Variants in PIGN observed in about 807,000 individuals in gnomAD.
PIGN encodes the protein GPI ethanolamine phosphate transferase 1.
A neutral mutation model predicts 125.4 loss-of-function variants in PIGN; 117 were observed. That is an observed-to-expected ratio of 0.93 (90% confidence interval 0.80 to 1.09). The LOEUF is 1.09. PIGN is among the 50% of genes least tolerant of loss of function. PIGN has a pLI of 0.00. For synonymous variants in PIGN, 392 were observed against 377.8 expected, an observed-to-expected ratio of 1.04 and a Z score of -0.44; for missense variants, 1,075 against 1,094.9, an observed-to-expected ratio of 0.98 and a Z score of 0.26.
chr18:62,036,725 A>G (rs1339877380), downstream of PIGN, among the ~76,000 whole-genome samples: 1 of 152,128 alleles, frequency 6.6e-6, no homozygotes, highest in African/African-American at 2.4e-5. Flanking sequence ...GGAGGAGCAT[A>G]TTACTGCCAT....
downstream of PIGN, among the ~76,000 whole-genome samples, chr18:62,036,994 C>A (rs2030270082): frequency 6.6e-6 from 1 of 152,094 alleles, no homozygotes; most frequent in South Asian, 2.1e-4. Flanking sequence ...ACTTTGTATC[C>A]CCACTCTGCT....
intron 27 of PIGN, among the ~76,000 whole-genome samples, chr18:62,082,970 A>G (rs1039822165): frequency 6.6e-6 from 1 of 152,128 alleles, no homozygotes; most frequent in African/African-American, 2.4e-5. Context: ...GATGTAAAAG[A>G]CAGCAAACAT....
At chr18:62,040,315 G>A (rs117238951), downstream of PIGN, among the ~76,000 whole-genome samples, 1,485 of 152,056 alleles carry the variant, frequency 9.8e-3, 47 homozygotes, top group East Asian at 0.069. Flanking sequence ...CCAGGGTGCC[G>A]CACCCCATGC....
At chr18:62,090,892 T>C (rs578224002) in intron 23 of PIGN, among the ~76,000 whole-genome samples, 1 of 152,176 alleles carries the variant, frequency 6.6e-6, no homozygotes, top group African/African-American at 2.4e-5. Flanking sequence ...AAAAAGATAA[T>C]TCTTGAGGTA....
At chr18:62,094,761 C>T (rs1371112167) in intron 23 of PIGN, among the ~76,000 whole-genome samples, 2 of 152,130 alleles carry the variant, frequency 1.3e-5, no homozygotes, top group Non-Finnish European at 2.9e-5. Flanking sequence ...GTAAAAATTT[C>T]CATGACATTC....
intron 30 of PIGN, among the ~76,000 whole-genome samples, chr18:62,060,424 C>T (rs775179718): frequency 1.3e-4 from 19 of 151,970 alleles, no homozygotes; most frequent in African/African-American, 1.5e-4. Flanking sequence ...GGGTGATGGG[C>T]GATAGAAGCA....
intron 14 of PIGN, chr18:62,137,957 C>A (rs371226548): frequency 1.2e-5 from 4 of 327,992 alleles, no homozygotes; most frequent in East Asian, 7.1e-5. Context: ...TCGTTCCTGC[C>A]CCCACACCTT....
chr18:62,055,446 A>G (rs796128557), intron 30 of PIGN, among the ~76,000 whole-genome samples: 1 of 152,338 alleles, frequency 6.6e-6, no homozygotes, highest in South Asian at 2.1e-4. Flanking sequence ...TGAAGTAACA[A>G]CTACAGAAAT....
chr18:62,073,857 ATG>A (rs777384556), intron 29 of PIGN, among the ~76,000 whole-genome samples: 1 of 152,180 alleles, frequency 6.6e-6, no homozygotes, highest in Non-Finnish European at 1.5e-5. Context: ...GGCCCTTGGA[ATG>A]TCATGGAATG....
chr18:62,150,902 A>G (rs893342516), intron 7 of PIGN, among the ~76,000 whole-genome samples: 1 of 151,966 alleles, frequency 6.6e-6, no homozygotes, highest in Admixed American at 6.5e-5. Flanking sequence ...GGGTTTCACC[A>G]TGTTGGCCAG....
At chr18:62,129,299 T>A (rs763342728) in intron 14 of PIGN, among the ~76,000 whole-genome samples, 1 of 152,160 alleles carries the variant, frequency 6.6e-6, no homozygotes, top group African/African-American at 2.4e-5. Flanking sequence ...CTGCCATACT[T>A]TCCCACCTTA....
At chr18:62,065,527 A>G (rs968158933) in intron 30 of PIGN, among the ~76,000 whole-genome samples, 4 of 152,088 alleles carry the variant, frequency 2.6e-5, no homozygotes, top group Non-Finnish European at 4.4e-5. Context: ...TCACGAGGTC[A>G]GAATATCGAG....
At chr18:62,084,016 C>T (rs962414026) in intron 27 of PIGN, among the ~76,000 whole-genome samples, 13 of 152,126 alleles carry the variant, frequency 8.5e-5, no homozygotes, top group African/African-American at 3.1e-4. Context: ...AGAAGAAGAA[C>T]ATGAATTACA....
chr18:62,050,268 TG>T (rs1178888744), intron 30 of PIGN, among the ~76,000 whole-genome samples: 14 of 152,190 alleles, frequency 9.2e-5, no homozygotes, highest in African/African-American at 3.4e-4. Context: ...GGGATGGCAT[TG>T]AATCTATAAA....
intron 11 of PIGN, 138 bp from the exon 12 acceptor site, chr18:62,140,617 A>G (rs2036099479): frequency 2.1e-6 from 1 of 470,804 alleles, no homozygotes; most frequent in Non-Finnish European, 3.8e-6. Flanking sequence ...TTTAATAAAA[A>G]AGATATTAAT....
intron 23 of PIGN, among the ~76,000 whole-genome samples, chr18:62,035,475 C>T (rs1329031233): frequency 6.6e-6 from 1 of 152,122 alleles, no homozygotes; most frequent in Non-Finnish European, 1.5e-5. Context: ...CCAGACAGTT[C>T]AATCTTGTTT....
intron 10 of PIGN, among the ~76,000 whole-genome samples, chr18:62,145,246 T>C (rs920324109): frequency 1.3e-5 from 2 of 152,168 alleles, no homozygotes; most frequent in African/African-American, 4.8e-5. Flanking sequence ...CTGGAAATAA[T>C]CATGGCAGTG....
At chr18:62,087,108 T>C (rs921637114) in intron 25 of PIGN, among the ~76,000 whole-genome samples, 4 of 152,046 alleles carry the variant, frequency 2.6e-5, no homozygotes, top group African/African-American at 9.7e-5. Flanking sequence ...TGCATAGAAG[T>C]GTCTACCAAA....
chr18:62,073,913 C>T (rs2145744586), intron 29 of PIGN, among the ~76,000 whole-genome samples: 1 of 152,284 alleles, frequency 6.6e-6, no homozygotes, highest in East Asian at 1.9e-4. Context: ...GGCCACTGGA[C>T]AGTCTAATAA....
Sources: gnomAD v4.1 joint callset for allele counts (sites outside exome capture counted in the v4.1 genomes callset) on GRCh38, gnomAD v4.1.1 for gene constraint, MANE v1.5 for transcripts, NCBI Gene and HGNC (gene_info 2026-07-23, HGNC 2026-07-21) for gene names.